OSBPL10: variants seen among roughly 807,000 people sequenced by gnomAD.
The protein encoded by OSBPL10 is oxysterol-binding protein-related protein 10.
In OSBPL10, 49 loss-of-function variants were observed where a neutral mutation model predicts 81.7. That is an observed-to-expected ratio of 0.60 (90% confidence interval 0.48 to 0.76). OSBPL10 has a LOEUF of 0.76. Ranked by LOEUF, OSBPL10 falls within the 30% of genes least tolerant of loss-of-function variation. The pLI is 0.00. For synonymous variants in OSBPL10, 419 were observed against 383.6 expected, an observed-to-expected ratio of 1.09 and a Z score of -1.08; for missense variants, 923 against 987.8, an observed-to-expected ratio of 0.93 and a Z score of 0.88.
At position 31,992,006 on chromosome 3, in the gene OSBPL10, C is replaced by T. The variant is rs112583542; in HGVS notation, n.298+54485G>A. 9.3e-3 allele frequency among the ~76,000 whole-genome samples: 1,409 copies of T among 151,996 alleles called. 27 individuals are homozygous for T. The highest frequency in any genetic ancestry group is 0.032 in the African/African-American group (1,327 of 41,450). On this transcript the variant is annotated intron_variant and non_coding_transcript_variant, in intron 2 of 3. Coordinates refer to the OSBPL10 transcript ENST00000479173. ...ACAAAAAATACAAAAATTAGCCAGG[C>T]GTAGTGGCACGCACCAGTAGTCCCA...
At chr3:31,935,817 C>T (rs533357375) in intron 1 of OSBPL10, among the ~76,000 whole-genome samples, 61 of 152,186 alleles carry the variant, frequency 4.0e-4, no homozygotes, top group African/African-American at 1.4e-3. Flanking sequence ...CCACCGCACC[C>T]GGCCAAAATA....
At chr3:31,869,254 T>C (rs1383790349) in intron 3 of OSBPL10, among the ~76,000 whole-genome samples, 1 of 152,210 alleles carries the variant, frequency 6.6e-6, no homozygotes, top group African/African-American at 2.4e-5. Flanking sequence ...GTATGCTCAA[T>C]ACATCATTGG....
intron 6 of OSBPL10, among the ~76,000 whole-genome samples, chr3:31,715,228 G>C (rs1163466362): frequency 6.6e-6 from 1 of 152,174 alleles, no homozygotes; most frequent in Non-Finnish European, 1.5e-5. Flanking sequence ...TTAAAATTCT[G>C]TTCCTTGATG....
intron 1 of OSBPL10, among the ~76,000 whole-genome samples, chr3:32,049,403 A>G (rs1299348498): frequency 6.6e-6 from 1 of 152,130 alleles, no homozygotes; most frequent in Non-Finnish European, 1.5e-5. Context: ...AACTTTGGGT[A>G]AGTGGTAGGA....
chr3:31,736,669 T>C (rs1193194703), intron 5 of OSBPL10, among the ~76,000 whole-genome samples: 1 of 152,198 alleles, frequency 6.6e-6, no homozygotes, highest in Non-Finnish European at 1.5e-5. Flanking sequence ...AAACATCCTG[T>C]AGAGCAGTTA....
intron 3 of OSBPL10, among the ~76,000 whole-genome samples, chr3:31,836,573 A>C (rs1700362053): frequency 8.0e-6 from 1 of 125,212 alleles, no homozygotes; most frequent in Non-Finnish European, 1.6e-5. Context: ...AATCCTGCTG[A>C]CTCTTCCTTA....
At chr3:31,972,874 G>A (rs764316763) in intron 1 of OSBPL10, among the ~76,000 whole-genome samples, 1 of 152,076 alleles carries the variant, frequency 6.6e-6, no homozygotes, top group Non-Finnish European at 1.5e-5. Flanking sequence ...ATTATTCATG[G>A]TGCAAATGCC....
intron 3 of OSBPL10, among the ~76,000 whole-genome samples, chr3:31,875,514 G>A (rs930769519): frequency 1.1e-4 from 17 of 149,664 alleles, no homozygotes; most frequent in Admixed American, 1.0e-3. Flanking sequence ...ACAGGTAAGT[G>A]CCACTATCCT....
intron 10 of OSBPL10, among the ~76,000 whole-genome samples, chr3:31,664,805 T>A (rs1246212411): frequency 6.6e-6 from 1 of 152,160 alleles, no homozygotes; most frequent in Non-Finnish European, 1.5e-5. Context: ...TGTGTGTGCA[T>A]GCTTATAGTG....
chr3:31,786,179 A>T (rs1018474819), intron 4 of OSBPL10, among the ~76,000 whole-genome samples: 1 of 151,928 alleles, frequency 6.6e-6, no homozygotes, highest in Non-Finnish European at 1.5e-5. Flanking sequence ...ATTTTAGGAG[A>T]CCCTTATAGA....
At chr3:31,888,188 G>C (rs1695791829) in intron 1 of OSBPL10, among the ~76,000 whole-genome samples, 1 of 152,282 alleles carries the variant, frequency 6.6e-6, no homozygotes, top group Non-Finnish European at 1.5e-5. Context: ...ACAGCCAACT[G>C]ATTTTTGACA....
intron 3 of OSBPL10, among the ~76,000 whole-genome samples, chr3:31,871,738 C>G (rs747111422): frequency 1.3e-5 from 2 of 152,184 alleles, no homozygotes; most frequent in African/African-American, 2.4e-5. Flanking sequence ...TGGTGTGTGC[C>G]TGTGGCCCCA....
At chr3:31,698,192 G>C (rs1181934411) in intron 7 of OSBPL10, among the ~76,000 whole-genome samples, 1 of 151,278 alleles carries the variant, frequency 6.6e-6, no homozygotes, top group African/African-American at 2.4e-5. Flanking sequence ...GCTCACGTCT[G>C]TAATACCAGC....
chr3:31,953,122 C>CG (rs1204948695), intron 1 of OSBPL10, among the ~76,000 whole-genome samples: 14 of 151,388 alleles, frequency 9.2e-5, no homozygotes, highest in African/African-American at 3.2e-4. Context: ...TTAGTAGAGA[C>CG]GGGGGTCTCA....
At chr3:31,704,428 T>TG (rs1339712854) in intron 6 of OSBPL10, among the ~76,000 whole-genome samples, 4 of 152,164 alleles carry the variant, frequency 2.6e-5, no homozygotes, top group Non-Finnish European at 5.9e-5. Flanking sequence ...CAGCACCAGC[T>TG]GGGGGAGGAG....
In OSBPL10 at chr3:31,811,365, A is replaced by T. The variant is rs1193792496; in HGVS notation, c.729+18675T>A. On this transcript the variant is annotated intron_variant, in intron 4 of 11. Transcript: ENST00000396556. The stretch of plus-strand genomic sequence containing the variant: ...GGCTCAGAACTCGCAGGACTCCTTG[A>T]CTCTAACACCCTCCGACTGTGCCCC... Among the ~76,000 whole-genome samples the T allele has an allele frequency of 2.6e-5, 4 of 152,016 alleles. 1 individual carries two copies. In the South Asian group the frequency reaches 8.3e-4, roughly 32 times the overall value.
chr3:31,946,804 G>A (rs1192223248), intron 1 of OSBPL10, among the ~76,000 whole-genome samples: 3 of 152,214 alleles, frequency 2.0e-5, no homozygotes, highest in Non-Finnish European at 4.4e-5. Context: ...AGAGTTTTTA[G>A]TGTTGCATGC....
intron 2 of OSBPL10, among the ~76,000 whole-genome samples, chr3:32,025,860 A>G (rs1207349554): frequency 6.6e-6 from 1 of 152,116 alleles, no homozygotes; most frequent in Non-Finnish European, 1.5e-5. Flanking sequence ...TTGGTCTAGC[A>G]GAGCCATCAG....
At chr3:31,898,098 TTAGTC>T (rs1332491786) in intron 1 of OSBPL10, among the ~76,000 whole-genome samples, 5 of 151,704 alleles carry the variant, frequency 3.3e-5, no homozygotes, top group Non-Finnish European at 7.4e-5. Flanking sequence ...ATTGGAATCT[TTAGTC>T]TGGGAAGATC....
Sources: allele counts gnomAD v4.1 joint callset (sites outside exome capture counted in the v4.1 genomes callset), GRCh38; gene constraint gnomAD v4.1.1; transcripts MANE v1.5; gene names NCBI Gene and HGNC (gene_info 2026-07-23, HGNC 2026-07-21).